KCTD1: variants seen among roughly 807,000 people sequenced by gnomAD.
KCTD1 encodes the protein potassium channel tetramerization domain containing 1, also known as BTB/POZ domain-containing protein KCTD1.
A neutral mutation model predicts 66.0 loss-of-function variants in KCTD1; 24 were observed. The ratio of observed to expected loss-of-function variants is 0.36; its 90% CI spans 0.26 to 0.51. The LOEUF is 0.51. Among genes scored for constraint, KCTD1 ranks in the 20% least tolerant of loss-of-function variants. The pLI is 0.95. For missense variants in KCTD1, 943 were observed against 1,205.2 expected, an observed-to-expected ratio of 0.78 and a Z score of 3.22; for synonymous variants, 511 against 517.2, an observed-to-expected ratio of 0.99 and a Z score of 0.16.
rs140665766 is a variant in KCTD1 at position 26,491,636 on chromosome 18, G to A, written c.1988+9436C>T. On this transcript the variant is annotated intron_variant, in intron 2 of 4. Coordinates refer to ENST00000580059, the MANE Select transcript of KCTD1 (RefSeq NM_001142730.3). ...GAAAATGATGGTGCCATATTTGTAT[G>A]ACACTAGGGTAGCAAGAGTTTTGTT... Among the ~76,000 whole-genome samples the A allele has an allele frequency of 2.1e-3, 320 of 152,318 alleles. 2 individuals are homozygous for A. The highest frequency in any genetic ancestry group is 7.4e-3 in the African/African-American group (306 of 41,572).
At chr18:26,513,722 C>T (rs1030894603) in intron 1 of KCTD1, among the ~76,000 whole-genome samples, 1 of 152,154 alleles carries the variant, frequency 6.6e-6, no homozygotes, top group Non-Finnish European at 1.5e-5. Flanking sequence ...TTTTACTAGT[C>T]TATGATTTTT....
At chr18:26,531,355 A>G (rs975937729) in intron 1 of KCTD1, among the ~76,000 whole-genome samples, 1 of 152,092 alleles carries the variant, frequency 6.6e-6, no homozygotes, top group Non-Finnish European at 1.5e-5. Context: ...AAATAAAATA[A>G]CCCAAAATCA....
upstream of KCTD1, among the ~76,000 whole-genome samples, chr18:26,632,411 C>T (rs554867016): frequency 3.9e-5 from 6 of 152,076 alleles, no homozygotes; most frequent in South Asian, 1.2e-3. Context: ...AATTAAAAAA[C>T]AAAATAAATC....
In KCTD1 at chr18:26,455,117, A is replaced by AAGTT. The variant is rs1423683987; in HGVS notation, c.*622_*625dup. The AAGTT allele has an allele frequency of 6.6e-6, 1 of 152,600 alleles. No individual in the cohort carries two copies. The highest frequency in any genetic ancestry group is 2.4e-5 in the African/African-American group (1 of 41,468). The allele number at this position is 152,600 out of a possible 1,614,324, so 9.5% of individuals were successfully genotyped here. Reference sequence around the variant, plus strand: ...AACTGATCAGTTTTAAAACAAAGTAAAGTTCACATCTGTGAGGTGGACAAA... The same window carrying AAGTT: ...AACTGATCAGTTTTAAAACAAAGTAAAGTTAGTTCACATCTGTGAGGTGGACAAA... On this transcript the variant is annotated 3_prime_UTR_variant, in exon 5 of 5. Transcript: ENST00000580059.
At chr18:26,655,384 C>T (rs1197956317) in intron 1 of KCTD1, among the ~76,000 whole-genome samples, 1 of 152,034 alleles carries the variant, frequency 6.6e-6, no homozygotes, top group Non-Finnish European at 1.5e-5. Flanking sequence ...AGAAGGCAAA[C>T]GTTTCTTAAA....
At position 26,528,611 on chromosome 18, in the gene KCTD1, G is replaced by A. The variant is rs552813293; in HGVS notation, c.1809+18117C>T. Among the ~76,000 whole-genome samples the A allele has an allele frequency of 6.6e-5, 10 of 152,218 alleles. No individual in the cohort carries two copies. The South Asian group carries it at 1.9e-3, about 28-fold the overall frequency. On this transcript the variant is annotated intron_variant, in intron 1 of 4. Coordinates refer to ENST00000580059, the MANE Select transcript of KCTD1 (RefSeq NM_001142730.3). ...ACAGTCAAACTGGAGCCATGTTTCT[G>A]TTCCTCCTTCTTCACCTCTCAGGCT...
At chr18:26,588,158 G>T (rs1472911104) in intron 1 of KCTD1, among the ~76,000 whole-genome samples, 1 of 152,202 alleles carries the variant, frequency 6.6e-6, no homozygotes, top group East Asian at 1.9e-4. Context: ...CAGGTGTGGT[G>T]CTGTGCACCT....
At chr18:26,531,737 G>C (rs1198593170) in intron 1 of KCTD1, among the ~76,000 whole-genome samples, 1 of 152,122 alleles carries the variant, frequency 6.6e-6, no homozygotes, top group Non-Finnish European at 1.5e-5. Context: ...TATTCAGAAG[G>C]GCTCTTCCTA....
Position 26,468,777 on chromosome 18 carries a change from G to T in KCTD1, c.2133+7738C>A, listed in dbSNP as rs1483829397. Among the ~76,000 whole-genome samples, 1 of 152,158 alleles carries T rather than the reference G, an allele frequency of 6.6e-6. No homozygotes were observed. The highest frequency in any genetic ancestry group is 2.4e-5 in the African/African-American group (1 of 41,430). On this transcript the variant is annotated intron_variant, in intron 3 of 4. Coordinates refer to ENST00000580059, the MANE Select transcript of KCTD1 (RefSeq NM_001142730.3). This position sits in a 1 kb window ranked among gnomAD's most constrained non-coding sequence, Gnocchi z 4.8. ...AAAGAGAACTGCTTGAACCCGGGAG[G>T]CGGAGGTTGCAGTGAGCCGAGATCG...
At chr18:26,635,144 TA>T (rs1266788558) in intron 1 of KCTD1, among the ~76,000 whole-genome samples, 1 of 152,198 alleles carries the variant, frequency 6.6e-6, no homozygotes, top group Non-Finnish European at 1.5e-5. Flanking sequence ...AATATTGCAT[TA>T]AAATATTATT....
At chr18:26,622,636 A>T (rs1356548495) in intron 1 of KCTD1, among the ~76,000 whole-genome samples, 1 of 152,210 alleles carries the variant, frequency 6.6e-6, no homozygotes, top group Non-Finnish European at 1.5e-5. Context: ...TTAATCAAAA[A>T]TAACGTGAAT....
At chr18:26,577,249 A>C (rs1986245696) in intron 1 of KCTD1, among the ~76,000 whole-genome samples, 1 of 151,988 alleles carries the variant, frequency 6.6e-6, no homozygotes, top group African/African-American at 2.4e-5. Context: ...ATCATCCATC[A>C]CTGTCAAGGT....
At chr18:26,651,799 A>AAAAAAAAGAAGAAGAAG (rs764181233) in intron 1 of KCTD1, among the ~76,000 whole-genome samples, 2 of 117,114 alleles carry the variant, frequency 1.7e-5, no homozygotes, top group African/African-American at 7.1e-5. Context: ...AAAAAAAAAA[A>AAAAAAAAGAAGAAGAAG]AAGAAGAAGA....
At chr18:26,638,728 T>C (rs1298105595) in intron 1 of KCTD1, among the ~76,000 whole-genome samples, 4 of 152,260 alleles carry the variant, frequency 2.6e-5, no homozygotes, top group South Asian at 2.1e-4. Flanking sequence ...CCAGTCCACC[T>C]GAGAACAAGA....
chr18:26,539,070 C>G (rs1028808205), intron 1 of KCTD1, among the ~76,000 whole-genome samples: 2 of 152,186 alleles, frequency 1.3e-5, no homozygotes, highest in East Asian at 1.9e-4. Context: ...ATTTCATGTT[C>G]TATCATCTTC....
intron 1 of KCTD1, among the ~76,000 whole-genome samples, chr18:26,538,107 C>T (rs188079067): frequency 1.9e-4 from 29 of 152,178 alleles, no homozygotes; most frequent in African/African-American, 7.0e-4. Flanking sequence ...ATTAGCCGGG[C>T]ATGGTGGCAC....
At chr18:26,600,552 C>T (rs58412633) in intron 1 of KCTD1, among the ~76,000 whole-genome samples, 2,643 of 152,000 alleles carry the variant, frequency 0.017, 78 homozygotes, top group African/African-American at 0.059. Context: ...TTATGGGGCC[C>T]GGTTACTCAG....
chr18:26,656,420 T>C (rs1029722482), intron 1 of KCTD1, among the ~76,000 whole-genome samples: 5 of 152,082 alleles, frequency 3.3e-5, no homozygotes, highest in Non-Finnish European at 5.9e-5. Context: ...TAAGAGCTTT[T>C]TAAAAATAAA....
intron 2 of KCTD1, among the ~76,000 whole-genome samples, chr18:26,479,684 G>C (rs2144611055): frequency 6.6e-6 from 1 of 152,326 alleles, no homozygotes; most frequent in Admixed American, 6.5e-5. Flanking sequence ...AAGAAACGCA[G>C]GGCTGCTGAT....
Sources: gnomAD v4.1 joint callset for allele counts (sites outside exome capture counted in the v4.1 genomes callset) on GRCh38, gnomAD v4.1.1 for gene constraint, Gnocchi (gnomAD v3.1) non-coding constraint, MANE v1.5 for transcripts, NCBI Gene and HGNC (gene_info 2026-07-23, HGNC 2026-07-21) for gene names.